The following C10orf90 variants were observed in gnomAD, a reference collection of about 807,000 sequenced individuals.
C10orf90 encodes chromosome 10 open reading frame 90.
In C10orf90, 56 loss-of-function variants were observed where a neutral mutation model predicts 62.5. That is an observed-to-expected ratio of 0.90 (90% CI 0.72 to 1.12). C10orf90 has a LOEUF of 1.12. Among genes scored for constraint, C10orf90 ranks in the 50% most tolerant of loss-of-function variants. The pLI is 0.00. For synonymous variants in C10orf90, 386 were observed against 340.4 expected (o/e 1.13, Z -1.47); for missense variants, 970 against 880.4 (o/e 1.10, Z -1.29).
Position 126,461,583 on chromosome 10 carries a change from C to A in C10orf90, c.1828G>T (p.Asp610Tyr). The A allele has an allele frequency of 6.2e-7, 1 of 1,611,330 alleles. No homozygotes were observed. The highest frequency in any genetic ancestry group is 8.5e-7 in the Non-Finnish European group (1 of 1,179,380). ...VQIESKFPKG[D>Y]YTCCDLVVKI... ...ACAACCAAGTCACAGCATGTGTAAT[C>A]TCCTAGGAGAGAAGATTTAGAATCC... is the stretch of plus-strand genomic sequence containing the variant. The change falls in exon 6 of 10, where the codon GAT becomes TAT. Residue 610 changes from aspartate to tyrosine, a missense_variant and splice_region_variant. Asp to Tyr is a radical substitution (Grantham distance 160). Transcript: ENST00000488181.
At chr10:126,635,704 C>G (rs907200549) in intron 2 of C10orf90, among the ~76,000 whole-genome samples, 2 of 152,220 alleles carry the variant, frequency 1.3e-5, no homozygotes, top group African/African-American at 4.8e-5. Context: ...TGGGATGTCT[C>G]TAACTGCTCA....
chr10:126,426,816 G>C (rs1456790299), intron 8 of C10orf90, among the ~76,000 whole-genome samples: 1 of 152,214 alleles, frequency 6.6e-6, no homozygotes, highest in Non-Finnish European at 1.5e-5. Flanking sequence ...AGCCAGATAT[G>C]ATATAGTGAA....
At chr10:126,538,666 C>T (rs1302905595) in intron 2 of C10orf90, among the ~76,000 whole-genome samples, 7 of 152,178 alleles carry the variant, frequency 4.6e-5, no homozygotes, top group Non-Finnish European at 7.3e-5. Flanking sequence ...CCATATTTAA[C>T]GCAGAGGGAA....
intron 2 of C10orf90, among the ~76,000 whole-genome samples, chr10:126,577,555 C>A (rs962413515): frequency 6.6e-6 from 1 of 152,040 alleles, no homozygotes; most frequent in African/African-American, 2.4e-5. Flanking sequence ...ATACCATGTT[C>A]ATGGATTAGA....
At chr10:126,481,481 C>A (rs149284064) in intron 4 of C10orf90, among the ~76,000 whole-genome samples, 2 of 152,230 alleles carry the variant, frequency 1.3e-5, no homozygotes, top group African/African-American at 4.8e-5. Flanking sequence ...TGACTCCTCA[C>A]GGATTTCATT....
In C10orf90 at chr10:126,628,545, G is replaced by T. The variant is rs1477383147; in HGVS notation, c.313+18020C>A. On this transcript the variant is annotated intron_variant, in intron 2 of 9. Transcript: ENST00000488181. The stretch of plus-strand genomic sequence containing the variant: ...TCTGCTTGAGGTCTGGTGGTCACTG[G>T]GAACGTTGAATGGAGCCCAGGGGGA... Among the ~76,000 whole-genome samples the T allele has an allele frequency of 2.0e-5, 3 of 152,170 alleles. No individual in the cohort carries two copies. The East Asian group carries it at 5.8e-4, about 29-fold the overall frequency.
In C10orf90 at chr10:126,537,631, G is replaced by A. The variant is rs142315422; in HGVS notation, c.314-23692C>T. On this transcript the variant is annotated intron_variant, in intron 2 of 9. Coordinates refer to ENST00000488181, the MANE Select transcript of C10orf90 (RefSeq NM_001350921.2). ...ACTTTTTAAGTTCTCTTATAGCTCAGCTTGACAGAAATATACTCTTTGCTG... is the reference window on the plus strand; with the variant it reads ...ACTTTTTAAGTTCTCTTATAGCTCAACTTGACAGAAATATACTCTTTGCTG... Among the ~76,000 whole-genome samples the A allele has an allele frequency of 4.7e-3, 709 of 152,300 alleles. 6 individuals are homozygous for A. Among genetic ancestry groups the A allele is most frequent in the African/African-American group, 0.016 (650 of 41,566 alleles).
intron 1 of C10orf90, among the ~76,000 whole-genome samples, chr10:126,667,522 A>T (rs1292467169): frequency 6.6e-6 from 1 of 152,228 alleles, no homozygotes; most frequent in Non-Finnish European, 1.5e-5. Context: ...CGCCTGTCAG[A>T]GGACAGATGG....
intron 4 of C10orf90, among the ~76,000 whole-genome samples, chr10:126,502,167 G>T (rs1053721645): frequency 1.3e-5 from 2 of 151,566 alleles, no homozygotes; most frequent in African/African-American, 4.9e-5. Flanking sequence ...ACACTACTTG[G>T]GTGACGGGTG....
At chr10:126,503,771 T>TA (rs1216593579) in intron 4 of C10orf90, among the ~76,000 whole-genome samples, 186 bp downstream of exon 4, 9 of 152,270 alleles carry the variant, frequency 5.9e-5, no homozygotes, top group Non-Finnish European at 7.4e-5. Context: ...AAGTCTCAAC[T>TA]AAAAAAATCT....
intron 2 of C10orf90, among the ~76,000 whole-genome samples, chr10:126,587,642 A>G (rs1259554870): frequency 1.3e-5 from 2 of 152,242 alleles, no homozygotes; most frequent in Admixed American, 6.5e-5. Context: ...AGGTGGCACA[A>G]TTCAGCCCAT....
chr10:126,644,303 C>T (rs544971018), intron 2 of C10orf90, among the ~76,000 whole-genome samples: 120 of 152,354 alleles, frequency 7.9e-4, no homozygotes, highest in Non-Finnish European at 1.4e-3. Context: ...CCCTCCTCCA[C>T]TGCAGAACTC....
intron 1 of C10orf90, among the ~76,000 whole-genome samples, chr10:126,651,407 A>C (rs998132189): frequency 6.6e-6 from 1 of 152,182 alleles, no homozygotes; most frequent in African/African-American, 2.4e-5. Context: ...TTTATTAATT[A>C]AGCTTAATTA....
chr10:126,628,980 G>T (rs531285726), intron 2 of C10orf90, among the ~76,000 whole-genome samples: 1 of 152,206 alleles, frequency 6.6e-6, no homozygotes, highest in Non-Finnish European at 1.5e-5. Context: ...GGCCTTTAAA[G>T]AGATCTCTGC....
chr10:126,635,155 T>G (rs974382), intron 2 of C10orf90, among the ~76,000 whole-genome samples: 78,695 of 152,112 alleles, frequency 0.52, 20,872 homozygotes, highest in Middle Eastern at 0.66. Flanking sequence ...TCAGAGATGA[T>G]TTGGTAGCTG....
intron 1 of C10orf90, among the ~76,000 whole-genome samples, chr10:126,658,931 T>C (rs1846451000): frequency 1.3e-5 from 2 of 152,294 alleles, no homozygotes; most frequent in African/African-American, 4.8e-5. Flanking sequence ...AGATTTTCAT[T>C]TCGCAAGCTT....
At chr10:126,466,613 C>G (rs1860305428) in intron 4 of C10orf90, among the ~76,000 whole-genome samples, 1 of 152,010 alleles carries the variant, frequency 6.6e-6, no homozygotes, top group South Asian at 2.1e-4. Context: ...GCTAGAGGGC[C>G]CCCAAAGCAC....
chr10:126,503,466 A>T (rs1167313247), intron 4 of C10orf90, among the ~76,000 whole-genome samples: 1 of 152,162 alleles, frequency 6.6e-6, no homozygotes, highest in Non-Finnish European at 1.5e-5. Context: ...ACATACACAC[A>T]TTCACACTTA....
In C10orf90 at chr10:126,579,070, T is replaced by A. The variant is rs540099365; in HGVS notation, c.314-65131A>T. On this transcript the variant is annotated intron_variant, in intron 2 of 9. Transcript: ENST00000488181. ...GTGTACTTCAATTAAAAGTTTTTTT[T>A]TAAAAAAAAAAACCTATCAGCTCTG... is the stretch of plus-strand genomic sequence containing the variant. Among the ~76,000 whole-genome samples the A allele has an allele frequency of 1.2e-3, 181 of 149,362 alleles. 1 individual carries two copies. Among genetic ancestry groups the A allele is most frequent in the East Asian group, 3.1e-3 (16 of 5,114 alleles).
Sources: gnomAD v4.1 joint callset for allele counts (sites outside exome capture counted in the v4.1 genomes callset) on GRCh38, gnomAD v4.1.1 for gene constraint, MANE v1.5 for transcripts, NCBI Gene and HGNC (gene_info 2026-07-23, HGNC 2026-07-21) for gene names.